Variants in SOX6 observed in about 807,000 individuals in gnomAD.
The protein encoded by SOX6 is transcription factor SOX-6.
In SOX6, 11 loss-of-function variants were observed where a neutral mutation model predicts 97.8. The observed-to-expected ratio is 0.11, with a 90% CI of 0.07 to 0.19. The LOEUF (loss-of-function observed/expected upper bound fraction) is 0.19. SOX6 is among the 10% of genes least tolerant of loss of function. SOX6 has a pLI of 1.00. For missense variants in SOX6, 810 were observed against 1,039.5 expected, an observed-to-expected ratio of 0.78 and a Z score of 3.04; for synonymous variants, 360 against 371.4, an observed-to-expected ratio of 0.97 and a Z score of 0.35.
intron 4 of SOX6, among the ~76,000 whole-genome samples, chr11:16,190,960 A>G (rs1590013983): frequency 6.6e-6 from 1 of 152,284 alleles, no homozygotes; most frequent in Non-Finnish European, 1.5e-5. Flanking sequence ...AATCACACTG[A>G]CCATCCAACC....
intron 1 of SOX6, among the ~76,000 whole-genome samples, chr11:16,375,538 A>G (rs1315160446): frequency 3.3e-5 from 5 of 152,084 alleles, no homozygotes; most frequent in Non-Finnish European, 5.9e-5. Context: ...TCCTGGTCCT[A>G]AAGAATTCAC....
At chr11:16,522,714 G>A (rs562512080) in intron 4 of SOX6, among the ~76,000 whole-genome samples, 1 of 152,280 alleles carries the variant, frequency 6.6e-6, no homozygotes, top group Admixed American at 6.5e-5. Context: ...AGACCCATCA[G>A]TGTGCTGTAT....
intron 12 of SOX6, among the ~76,000 whole-genome samples, chr11:16,029,150 T>C (rs1855290911): frequency 1.3e-5 from 2 of 152,216 alleles, no homozygotes. Context: ...TTAGAAATGA[T>C]GCTTAGATCA....
In SOX6 at chr11:16,281,257, G is replaced by A. The variant is rs562049639; in HGVS notation, c.445+37189C>T. On this transcript the variant is annotated intron_variant, in intron 3 of 15. Transcript: ENST00000683767. ...AGCTTTTCAAATTGCTTTTGGTCGT[G>A]TATGTGTCACATATATGTGTATGGT... Among the ~76,000 whole-genome samples, 9 of 152,140 alleles carry A rather than the reference G, an allele frequency of 5.9e-5. No homozygotes were observed. In the East Asian group the frequency reaches 1.7e-3, roughly 29 times the overall value.
chr11:16,473,772 G>A (rs1386778430), intron 1 of SOX6, among the ~76,000 whole-genome samples: 4 of 152,096 alleles, frequency 2.6e-5, no homozygotes, highest in East Asian at 3.9e-4. Flanking sequence ...GGCTGGCCTC[G>A]AACTCCTGAC....
chr11:16,160,470 GC>G (rs1315664739), intron 6 of SOX6, among the ~76,000 whole-genome samples: 1 of 152,134 alleles, frequency 6.6e-6, no homozygotes, highest in Non-Finnish European at 1.5e-5. Flanking sequence ...GATAACACAT[GC>G]CCATATATAC....
chr11:16,045,426 C>CAATCT lies in SOX6; in HGVS notation c.1623+1087_1623+1088insAGATT, dbSNP rs549882529. 1.7e-3 allele frequency among the ~76,000 whole-genome samples: 257 copies of CAATCT among 152,222 alleles called. 1 individual carries two copies. Among genetic ancestry groups the CAATCT allele is most frequent in the African/African-American group, 4.2e-3 (173 of 41,546 alleles). ...CAGTCTCCCTGTTTCCATTCTTAACCTCCAATATAGTCCAATCTTCCACAG... is the reference window on the plus strand; with the variant it reads ...CAGTCTCCCTGTTTCCATTCTTAACCAATCTTCCAATATAGTCCAATCTTCCACAG... On this transcript the variant is annotated intron_variant, in intron 12 of 15. Transcript: ENST00000683767.
intron 11 of SOX6, 137 bp downstream of exon 11, chr11:16,049,618 A>T: frequency 9.9e-7 from 1 of 1,006,644 alleles, no homozygotes; most frequent in Non-Finnish European, 1.5e-6. Flanking sequence ...AAATTGGGTT[A>T]TGTTTCAGTA....
chr11:16,100,144 C>T (rs1848908368), intron 7 of SOX6, among the ~76,000 whole-genome samples: 1 of 151,774 alleles, frequency 6.6e-6, no homozygotes, highest in Non-Finnish European at 1.5e-5. Context: ...CCTTATGCTG[C>T]TCTAATTTTC....
intron 1 of SOX6, among the ~76,000 whole-genome samples, chr11:16,467,938 C>A (rs1286001095): frequency 6.6e-6 from 1 of 152,132 alleles, no homozygotes; most frequent in Non-Finnish European, 1.5e-5. Context: ...GGCTTTATTT[C>A]CCCTTCTCTA....
intron 4 of SOX6, among the ~76,000 whole-genome samples, chr11:16,499,028 C>T (rs1179481697): frequency 6.6e-6 from 1 of 152,180 alleles, no homozygotes; most frequent in African/African-American, 2.4e-5. Context: ...ACCACTCACA[C>T]CTATTCCAAA....
rs530814297 is a variant in SOX6 at position 16,514,942 on chromosome 11, A to G, written n.610-38554T>C. Reference sequence around the variant, plus strand: ...GCGCCACATTTTCTTAATCCAGTCTATCATTGTTGGACACTTGGGTTGGTT... The same window carrying G: ...GCGCCACATTTTCTTAATCCAGTCTGTCATTGTTGGACACTTGGGTTGGTT... On this transcript the variant is annotated intron_variant and non_coding_transcript_variant, in intron 4 of 5. Coordinates refer to the SOX6 transcript ENST00000524520. Among the ~76,000 whole-genome samples the G allele has an allele frequency of 5.9e-5, 9 of 151,778 alleles. No individual in the cohort carries two copies. The East Asian group carries it at 1.7e-3, about 29-fold the overall frequency.
intron 4 of SOX6, among the ~76,000 whole-genome samples, chr11:16,207,567 T>C (rs1290930910): frequency 6.6e-6 from 1 of 150,820 alleles, no homozygotes; most frequent in Non-Finnish European, 1.5e-5. Flanking sequence ...TGCACCCACC[T>C]TGGGCGACAG....
intron 8 of SOX6, 29 bp from the exon 9 acceptor site, chr11:16,096,147 A>G (rs919786201): frequency 6.2e-7 from 1 of 1,609,398 alleles, no homozygotes; most frequent in South Asian, 1.1e-5. Context: ...AGAAAAAAAA[A>G]AAAAGACAAA....
chr11:16,185,823 C>A (rs1221212911), intron 5 of SOX6, among the ~76,000 whole-genome samples: 3 of 152,078 alleles, frequency 2.0e-5, no homozygotes, highest in Non-Finnish European at 4.4e-5. Flanking sequence ...GGGGCTGAGT[C>A]CATATTCCTA....
At chr11:15,996,879 T>C (rs576898039) in intron 13 of SOX6, among the ~76,000 whole-genome samples, 5 of 152,258 alleles carry the variant, frequency 3.3e-5, no homozygotes, top group African/African-American at 1.2e-4. Context: ...TTTCTCTGAA[T>C]GGATGAAGAG....
intron 4 of SOX6, among the ~76,000 whole-genome samples, chr11:16,510,213 A>C (rs368057103): frequency 1.6e-4 from 24 of 152,200 alleles, no homozygotes; most frequent in African/African-American, 4.8e-4. Context: ...TTGTTTGTGC[A>C]CTTCAAAGAA....
At chr11:16,249,634 C>A (rs1278805888) in intron 3 of SOX6, among the ~76,000 whole-genome samples, 2 of 152,144 alleles carry the variant, frequency 1.3e-5, no homozygotes, top group Non-Finnish European at 2.9e-5. Flanking sequence ...CTACCAGTAC[C>A]AATTTATCTG....
chr11:16,342,087 A>G (rs1306607432), intron 1 of SOX6, among the ~76,000 whole-genome samples: 2 of 152,038 alleles, frequency 1.3e-5, no homozygotes, highest in Admixed American at 1.3e-4. Flanking sequence ...CTCCAAATAC[A>G]ATATTGAACA....
Sources: allele counts gnomAD v4.1 joint callset (sites outside exome capture counted in the v4.1 genomes callset), GRCh38; gene constraint gnomAD v4.1.1; transcripts MANE v1.5; gene names NCBI Gene and HGNC (gene_info 2026-07-23, HGNC 2026-07-21).